CNTN6: variants seen among roughly 807,000 people sequenced by gnomAD.
CNTN6 encodes contactin-6.
Under a neutral mutation model 122.8 loss-of-function variants are expected in CNTN6, and 137 were observed. That is an observed-to-expected ratio of 1.12 (90% CI 0.97 to 1.29). CNTN6 has a LOEUF of 1.29. CNTN6 is among the 50% of genes most tolerant of loss of function. The pLI is 0.00. For synonymous variants in CNTN6, 570 were observed against 426.0 expected, an observed-to-expected ratio of 1.34 and a Z score of -4.16; for missense variants, 1,634 against 1,223.4, an observed-to-expected ratio of 1.34 and a Z score of -5.01.
intron 2 of CNTN6, among the ~76,000 whole-genome samples, chr3:1,158,854 A>ACATATATATGTGTG (rs1559422311): frequency 1.8e-5 from 1 of 55,400 alleles, no homozygotes; most frequent in African/African-American, 8.7e-5. Flanking sequence ...ATATACATAC[A>ACATATATATGTGTG]TATATATACA....
chr3:1,165,288 C>G (rs369957397), intron 2 of CNTN6, among the ~76,000 whole-genome samples: 2 of 152,154 alleles, frequency 1.3e-5, no homozygotes, highest in Admixed American at 1.3e-4. Flanking sequence ...TTGCGGAAGA[C>G]TCTGCAATCC....
At chr3:1,150,712 C>T (rs1443137329) in intron 2 of CNTN6, among the ~76,000 whole-genome samples, 1 of 152,048 alleles carries the variant, frequency 6.6e-6, no homozygotes, top group Admixed American at 6.6e-5. Context: ...TAAATAATGG[C>T]CCCAAAAGAT....
intron 2 of CNTN6, among the ~76,000 whole-genome samples, chr3:1,164,941 T>C (rs894741627): frequency 2.8e-4 from 42 of 152,336 alleles, no homozygotes; most frequent in African/African-American, 7.9e-4. Context: ...CCTTGATTTT[T>C]AGTGCTATAA....
intron 1 of CNTN6, among the ~76,000 whole-genome samples, chr3:1,118,025 A>G (rs969412589): frequency 6.6e-6 from 1 of 152,158 alleles, no homozygotes; most frequent in African/African-American, 2.4e-5. Context: ...CCCTTGCCTC[A>G]AGGCCCGCTG....
chr3:1,158,683 C>T (rs1236187662), intron 2 of CNTN6, among the ~76,000 whole-genome samples: 1 of 150,244 alleles, frequency 6.7e-6, no homozygotes, highest in Non-Finnish European at 1.5e-5. Context: ...AACTATCTTC[C>T]CACCTCCACC....
At chr3:1,131,790 T>C (rs1398130893) in intron 1 of CNTN6, among the ~76,000 whole-genome samples, 1 of 152,152 alleles carries the variant, frequency 6.6e-6, no homozygotes, top group Non-Finnish European at 1.5e-5. Context: ...AAGTAATTGC[T>C]ATTCACCTTG....
Position 1,329,733 on chromosome 3 carries a change from A to G in CNTN6, c.1214-52A>G. The G allele has an allele frequency of 3.3e-6, 5 of 1,499,256 alleles. No individual in the cohort carries two copies. The South Asian group carries it at 5.0e-5, about 15-fold the overall frequency. 92.9% of individuals were successfully genotyped at this position (1,499,256 alleles called of 1,614,324 possible). Reference sequence around the variant, plus strand: ...AGCATAGCAAGTCACCCCTGGAGTCACTACATGTTAACTGAGTAATTAAAC... The same window carrying G: ...AGCATAGCAAGTCACCCCTGGAGTCGCTACATGTTAACTGAGTAATTAAAC... On this transcript the variant is annotated intron_variant, in intron 10 of 22. Transcript: ENST00000446702.
At chr3:1,383,438 T>A in intron 19 of CNTN6, 30 bp downstream of exon 19, 1 of 1,562,868 alleles carries the variant, frequency 6.4e-7, no homozygotes, top group Non-Finnish European at 8.8e-7. Context: ...CTTTTGCTTA[T>A]GAATGTGCCA....
intron 4 of CNTN6, among the ~76,000 whole-genome samples, chr3:1,255,416 G>GAAAAA (rs112987509): frequency 8.5e-6 from 1 of 117,022 alleles, no homozygotes; most frequent in African/African-American, 3.2e-5. Flanking sequence ...ATTTGAAAAT[G>GAAAAA]GAAAAAAAAA....
At chr3:1,172,589 G>A (rs2125301567) in intron 2 of CNTN6, among the ~76,000 whole-genome samples, 1 of 151,992 alleles carries the variant, frequency 6.6e-6, no homozygotes. Flanking sequence ...AAGAATCCTT[G>A]TGAAAAGTGA....
At chr3:1,361,467 T>C (rs1707455156) in intron 12 of CNTN6, among the ~76,000 whole-genome samples, 1 of 152,142 alleles carries the variant, frequency 6.6e-6, no homozygotes, top group Non-Finnish European at 1.5e-5. Flanking sequence ...ACTAATTAAA[T>C]GGTTTTCAAT....
intron 4 of CNTN6, among the ~76,000 whole-genome samples, chr3:1,273,684 C>G (rs1022025649): frequency 1.3e-5 from 2 of 152,226 alleles, no homozygotes; most frequent in African/African-American, 4.8e-5. Flanking sequence ...CTGTGAACTA[C>G]TAACATTTTG....
At chr3:1,398,305 C>T (rs903845163) in intron 20 of CNTN6, among the ~76,000 whole-genome samples, 1 of 152,010 alleles carries the variant, frequency 6.6e-6, no homozygotes, top group Non-Finnish European at 1.5e-5. Context: ...TTTTATTTGT[C>T]AATATCAGAC....
At chr3:1,313,035 C>G (rs1575659737) in intron 7 of CNTN6, among the ~76,000 whole-genome samples, 1 of 144,626 alleles carries the variant, frequency 6.9e-6, no homozygotes, top group African/African-American at 2.8e-5. Context: ...CCATTTCAGT[C>G]TCTTTACTTC....
At chr3:1,096,603 A>G (rs1316223916) in intron 1 of CNTN6, among the ~76,000 whole-genome samples, 5 of 152,212 alleles carry the variant, frequency 3.3e-5, no homozygotes, top group African/African-American at 1.2e-4. Context: ...AATGAATAGT[A>G]TAGCTTGCAA....
chr3:1,321,204 G>A (rs1700797165), intron 7 of CNTN6, among the ~76,000 whole-genome samples: 1 of 151,594 alleles, frequency 6.6e-6, no homozygotes, highest in African/African-American at 2.4e-5. Flanking sequence ...TATATATAAA[G>A]CCTGCCTAGT....
intron 7 of CNTN6, among the ~76,000 whole-genome samples, chr3:1,305,039 C>T (rs9867639): frequency 0.25 from 36,754 of 147,894 alleles, 8,172 homozygotes; most frequent in African/African-American, 0.6. Flanking sequence ...AAAATTCAAG[C>T]TGTGTTTTAA....
chr3:1,156,712 C>T (rs1029284700), intron 2 of CNTN6, among the ~76,000 whole-genome samples: 1 of 111,888 alleles, frequency 8.9e-6, no homozygotes, highest in African/African-American at 3.2e-5. Context: ...TTCCTTCCTT[C>T]TTCTTTCTTT....
chr3:1,203,114 A>G (rs898837866), intron 2 of CNTN6, among the ~76,000 whole-genome samples: 1 of 152,220 alleles, frequency 6.6e-6, no homozygotes, highest in African/African-American at 2.4e-5. Flanking sequence ...TTAATTTATG[A>G]GATGCTTTCA....
Sources: gnomAD v4.1 joint callset for allele counts (sites outside exome capture counted in the v4.1 genomes callset) on GRCh38, gnomAD v4.1.1 for gene constraint, MANE v1.5 for transcripts, NCBI Gene and HGNC (gene_info 2026-07-23, HGNC 2026-07-21) for gene names.